The following SHISA9 variants were observed in gnomAD, a reference collection of about 807,000 sequenced individuals.
SHISA9 encodes the protein shisa family member 9, also known as protein shisa-9.
A neutral mutation model predicts 38.0 loss-of-function variants in SHISA9; 13 were observed. The observed-to-expected ratio is 0.34, with a 90% confidence interval of 0.22 to 0.54. SHISA9 has a LOEUF of 0.54. Ranked by LOEUF, SHISA9 falls within the 20% of genes least tolerant of loss-of-function variation. The pLI is 0.91. For synonymous variants in SHISA9, 275 were observed against 242.0 expected, an observed-to-expected ratio of 1.14 and a Z score of -1.27; for missense variants, 538 against 575.8, an observed-to-expected ratio of 0.93 and a Z score of 0.67.
At position 13,148,754 on chromosome 16, in the gene SHISA9, T is replaced by G. The variant is rs866678215; in HGVS notation, c.692-54640T>G. On this transcript the variant is annotated intron_variant, in intron 2 of 4. Transcript: ENST00000558583. Reference sequence around the variant, plus strand: ...TACCCTGCATATAGACCATACTTATTTCCCAGGGATCATAATTCAACATTG... The same window carrying G: ...TACCCTGCATATAGACCATACTTATGTCCCAGGGATCATAATTCAACATTG... 9.9e-5 allele frequency among the ~76,000 whole-genome samples: 15 copies of G among 150,916 alleles called. 1 individual carries two copies. The highest frequency in any genetic ancestry group is 3.4e-3 in the Middle Eastern group (1 of 294).
At chr16:12,915,278 T>A (rs1186825119) in intron 1 of SHISA9, among the ~76,000 whole-genome samples, 1 of 152,050 alleles carries the variant, frequency 6.6e-6, no homozygotes, top group Non-Finnish European at 1.5e-5. Flanking sequence ...CTGGTCAACA[T>A]AGTAAGACCC....
the SHISA9 span, among the ~76,000 whole-genome samples, chr16:13,470,847 CA>C: frequency 4.7e-3 from 712 of 151,764 alleles, 4 homozygotes; most frequent in Non-Finnish European, 6.9e-3. Flanking sequence ...ATTTCAGGGG[CA>C]AAAAAACACC....
the SHISA9 span, among the ~76,000 whole-genome samples, chr16:13,270,386 A>G: frequency 3.3e-5 from 5 of 152,204 alleles, no homozygotes; most frequent in African/African-American, 1.2e-4. Flanking sequence ...GATCTTTTGT[A>G]CAAGGCAAAG....
At chr16:13,217,130 T>A (rs1422993586) in intron 4 of SHISA9, among the ~76,000 whole-genome samples, 1 of 135,928 alleles carries the variant, frequency 7.4e-6, no homozygotes, top group Non-Finnish European at 1.6e-5. Flanking sequence ...AAAAAAAAAA[T>A]TGCAGGGAGT....
At chr16:13,142,512 C>T (rs1372059215) in intron 2 of SHISA9, among the ~76,000 whole-genome samples, 2 of 152,102 alleles carry the variant, frequency 1.3e-5, no homozygotes, top group Admixed American at 6.5e-5. Flanking sequence ...AAGTAAGAAC[C>T]GGTAGTCAAT....
intron 2 of SHISA9, among the ~76,000 whole-genome samples, chr16:13,041,984 G>A (rs983817797): frequency 1.3e-5 from 2 of 152,202 alleles, no homozygotes; most frequent in South Asian, 4.1e-4. Flanking sequence ...TGACTTTTTG[G>A]TTTCTGGATT....
the SHISA9 span, among the ~76,000 whole-genome samples, chr16:13,486,401 AG>A: frequency 6.6e-5 from 10 of 152,336 alleles, no homozygotes; most frequent in Non-Finnish European, 1.5e-4. Flanking sequence ...GAATAATCCT[AG>A]TACCCTACTT....
the SHISA9 span, among the ~76,000 whole-genome samples, chr16:13,542,817 G>A: frequency 3.3e-5 from 5 of 152,322 alleles, no homozygotes; most frequent in African/African-American, 9.6e-5. Context: ...CACCATCAGG[G>A]ATGGAGGTTT....
At chr16:13,342,819 C>T in the SHISA9 span, among the ~76,000 whole-genome samples, 2,213 of 152,240 alleles carry the variant, frequency 0.015, 62 homozygotes, top group African/African-American at 0.051. Flanking sequence ...GTTCTCCCTC[C>T]ACCATACTTT....
At chr16:13,311,521 C>T in the SHISA9 span, among the ~76,000 whole-genome samples, 1 of 152,068 alleles carries the variant, frequency 6.6e-6, no homozygotes, top group African/African-American at 2.4e-5. Flanking sequence ...TCTGATTGGT[C>T]CAGCCTTGGT....
the SHISA9 span, among the ~76,000 whole-genome samples, chr16:13,462,842 A>G: frequency 6.6e-6 from 1 of 152,042 alleles, no homozygotes; most frequent in African/African-American, 2.4e-5. Flanking sequence ...GGCGCCAGTA[A>G]TCCTAGCTAC....
chr16:12,960,142 C>A (rs965556513), intron 2 of SHISA9, among the ~76,000 whole-genome samples: 1 of 152,180 alleles, frequency 6.6e-6, no homozygotes, highest in South Asian at 2.1e-4. Context: ...CAGCCTTGAA[C>A]CCTGGTTACA....
chr16:13,069,825 A>T (rs578009526), intron 2 of SHISA9, among the ~76,000 whole-genome samples: 2 of 152,226 alleles, frequency 1.3e-5, no homozygotes, highest in South Asian at 2.1e-4. Flanking sequence ...CTTATGAAAG[A>T]TGTCCCAGAG....
the SHISA9 span, among the ~76,000 whole-genome samples, chr16:13,417,356 C>T: frequency 3.3e-5 from 5 of 151,360 alleles, no homozygotes; most frequent in South Asian, 8.4e-4. Context: ...TTGTCACTTG[C>T]GTTATTTGGG....
intron 2 of SHISA9, among the ~76,000 whole-genome samples, chr16:13,167,112 GC>G (rs1463724398): frequency 9.7e-6 from 1 of 102,980 alleles, no homozygotes; most frequent in Non-Finnish European, 1.8e-5. Flanking sequence ...CGCTCTTGTT[GC>G]CCAGGCTGGA....
At chr16:13,397,468 C>T in the SHISA9 span, among the ~76,000 whole-genome samples, 1 of 152,154 alleles carries the variant, frequency 6.6e-6, no homozygotes, top group East Asian at 1.9e-4. Flanking sequence ...GCTCTGCTGC[C>T]CGCCCCGCTG....
chr16:13,122,759 A>T (rs1185377936), intron 2 of SHISA9, among the ~76,000 whole-genome samples: 2 of 152,204 alleles, frequency 1.3e-5, no homozygotes, highest in Admixed American at 6.5e-5. Context: ...TAAAAATATT[A>T]AAAAGGGCTG....
intron 2 of SHISA9, among the ~76,000 whole-genome samples, chr16:13,137,660 T>G (rs2050361982): frequency 6.6e-6 from 1 of 152,170 alleles, no homozygotes. Context: ...TTCACCATGT[T>G]GGCCAGGATG....
chr16:13,038,269 C>T (rs571786871), intron 2 of SHISA9, among the ~76,000 whole-genome samples: 4 of 152,238 alleles, frequency 2.6e-5, no homozygotes, highest in African/African-American at 4.8e-5. Flanking sequence ...GGATTACAGG[C>T]GTGGGCCACC....
Sources: allele counts gnomAD v4.1 joint callset (sites outside exome capture counted in the v4.1 genomes callset), GRCh38; gene constraint gnomAD v4.1.1; transcripts MANE v1.5; gene names NCBI Gene and HGNC (gene_info 2026-07-23, HGNC 2026-07-21).